CLSTN2: variants seen among roughly 807,000 people sequenced by gnomAD.
CLSTN2 encodes calsyntenin-2.
CLSTN2 carries 48 observed loss-of-function variants against 101.2 expected under a neutral mutation model. The observed-to-expected ratio is 0.47, with a 90% confidence interval of 0.38 to 0.60. The LOEUF (loss-of-function observed/expected upper bound fraction) is 0.60, where lower values mean the gene tolerates loss of function less well. Among genes scored for constraint, CLSTN2 ranks in the 20% least tolerant of loss-of-function variants. The probability of loss-of-function intolerance (pLI) is 0.00; values close to 1 mark genes in which losing one functional copy is unlikely to be tolerated. For missense variants in CLSTN2, 1,160 were observed against 1,238.2 expected (o/e 0.94, Z 0.95); for synonymous variants, 481 against 463.6 (o/e 1.04, Z -0.48).
chr3:140,391,383 G>GGGGCCCCCCCCCC, intron 2 of CLSTN2, among the ~76,000 whole-genome samples: 1 of 109,264 alleles, frequency 9.2e-6, no homozygotes, highest in South Asian at 3.6e-4. Context: ...GGGTGGGCGG[G>GGGGCCCCCCCCCC]AGGGGCGGGT....
At chr3:139,997,047 CA>C (rs369329154) in intron 1 of CLSTN2, among the ~76,000 whole-genome samples, 140 of 84,994 alleles carry the variant, frequency 1.6e-3, no homozygotes, top group African/African-American at 6.2e-3. Flanking sequence ...GACTCTGTCT[CA>C]AAAAAAAAAA....
At chr3:140,300,191 A>AT (rs2087044799) in intron 2 of CLSTN2, among the ~76,000 whole-genome samples, 1 of 152,218 alleles carries the variant, frequency 6.6e-6, no homozygotes, top group Non-Finnish European at 1.5e-5. Context: ...AACTCAAGGG[A>AT]TTTTATGCAT....
chr3:140,080,331 C>G (rs752446638), intron 1 of CLSTN2, among the ~76,000 whole-genome samples: 1 of 152,202 alleles, frequency 6.6e-6, no homozygotes, highest in Non-Finnish European at 1.5e-5. Context: ...ATTGTAATAG[C>G]TGTATCCTCT....
chr3:140,160,744 T>C (rs1355818647), intron 1 of CLSTN2, among the ~76,000 whole-genome samples: 1 of 152,116 alleles, frequency 6.6e-6, no homozygotes. Context: ...GGTCCCAATC[T>C]CTACCACATG....
At chr3:140,081,568 T>C (rs1482734035) in intron 1 of CLSTN2, among the ~76,000 whole-genome samples, 3 of 152,032 alleles carry the variant, frequency 2.0e-5, no homozygotes, top group African/African-American at 7.2e-5. Context: ...CCCCAGGCAC[T>C]GGGAGGGTCA....
intron 2 of CLSTN2, among the ~76,000 whole-genome samples, chr3:140,352,517 C>G (rs1357633166): frequency 1.3e-5 from 2 of 152,190 alleles, no homozygotes; most frequent in South Asian, 2.1e-4. Context: ...GAACAATTAC[C>G]TTGTAAACAA....
intron 2 of CLSTN2, among the ~76,000 whole-genome samples, chr3:140,279,043 C>A (rs942130969): frequency 1.3e-5 from 2 of 152,148 alleles, no homozygotes; most frequent in African/African-American, 2.4e-5. Context: ...TTTGTATCAC[C>A]ATTGACCAGC....
intron 2 of CLSTN2, among the ~76,000 whole-genome samples, chr3:140,337,799 T>A (rs574701952): frequency 1.2e-4 from 18 of 152,354 alleles, no homozygotes; most frequent in Middle Eastern, 6.8e-3. Context: ...TAATCAGCAA[T>A]GCCGCCTTCA....
At chr3:140,245,960 A>G (rs2086512107) in intron 2 of CLSTN2, among the ~76,000 whole-genome samples, 1 of 152,196 alleles carries the variant, frequency 6.6e-6, no homozygotes, top group Non-Finnish European at 1.5e-5. Context: ...GTATTTCCTA[A>G]AAGTCTTATT....
chr3:140,128,890 G>T (rs538365832), intron 1 of CLSTN2, among the ~76,000 whole-genome samples: 3 of 151,854 alleles, frequency 2.0e-5, no homozygotes, highest in Admixed American at 6.5e-5. Context: ...GCAGCAGAAG[G>T]GGGCAGAGCT....
chr3:140,471,548 G>A (rs1933849117), intron 8 of CLSTN2, among the ~76,000 whole-genome samples: 2 of 152,144 alleles, frequency 1.3e-5, no homozygotes, highest in Non-Finnish European at 2.9e-5. Flanking sequence ...TAGGCATCAG[G>A]GATCAAGAGA....
rs764474827 is a variant in CLSTN2 at position 140,466,652 on chromosome 3, G to A, written c.1265G>A (p.Arg422His). ...HHYALYVHNC[R>H]LVFLLRKDFD... ...TATGCCCTGTATGTGCACAACTGCC[G>A]CCTCGTCTTTCTCTTGCGGAAGGAC... Residue 422 changes from arginine (R) to histidine (H), a missense_variant, in exon 8 of 17, where the codon CGC (arginine) becomes CAC (histidine). Transcript: ENST00000458420. The A allele has an allele frequency of 9.9e-6, 16 of 1,613,948 alleles. No homozygotes were observed. The highest frequency in any genetic ancestry group is 5.0e-5 in the Admixed American group (3 of 59,996).
chr3:140,372,541 A>G (rs1181149379), intron 2 of CLSTN2, among the ~76,000 whole-genome samples: 1 of 152,150 alleles, frequency 6.6e-6, no homozygotes, highest in East Asian at 1.9e-4. Context: ...GCTGTGATGC[A>G]CTAAAATTCC....
chr3:140,363,491 T>G (rs1379153352), intron 2 of CLSTN2, among the ~76,000 whole-genome samples: 3 of 152,238 alleles, frequency 2.0e-5, no homozygotes, highest in Admixed American at 2.0e-4. Flanking sequence ...TGTAAATACT[T>G]CAATGAAATT....
intron 2 of CLSTN2, among the ~76,000 whole-genome samples, chr3:140,326,700 A>G (rs545507919): frequency 3.3e-5 from 5 of 152,196 alleles, no homozygotes; most frequent in Admixed American, 6.5e-5. Context: ...GAAAGCCATG[A>G]CATTGTGCTG....
intron 8 of CLSTN2, among the ~76,000 whole-genome samples, chr3:140,492,016 A>G (rs1285641235): frequency 6.6e-6 from 1 of 152,144 alleles, no homozygotes; most frequent in Non-Finnish European, 1.5e-5. Context: ...AGACCCAAAA[A>G]AGCCCTTTAA....
chr3:140,451,676 A>G (rs1461527445), intron 6 of CLSTN2, among the ~76,000 whole-genome samples: 1 of 152,152 alleles, frequency 6.6e-6, no homozygotes, highest in Non-Finnish European at 1.5e-5. Context: ...CTCTCCAACT[A>G]TAAGGGAAAT....
At chr3:140,165,314 C>T (rs1362656896) in intron 1 of CLSTN2, among the ~76,000 whole-genome samples, 1 of 152,130 alleles carries the variant, frequency 6.6e-6, no homozygotes, top group Non-Finnish European at 1.5e-5. Flanking sequence ...CTCTTTGCTT[C>T]AGGTATTGGA....
At chr3:140,459,870 A>G in intron 7 of CLSTN2, 101 bp downstream of exon 7, 1 of 1,369,888 alleles carries the variant, frequency 7.3e-7, no homozygotes, top group Non-Finnish European at 1.0e-6. Flanking sequence ...ATGTGGAAGA[A>G]AAGCAGGAGC....
Sources: gnomAD v4.1 joint callset for allele counts (sites outside exome capture counted in the v4.1 genomes callset) on GRCh38, gnomAD v4.1.1 for gene constraint, MANE v1.5 for transcripts, NCBI Gene and HGNC (gene_info 2026-07-23, HGNC 2026-07-21) for gene names.